The following CAPN1 variants were observed in gnomAD, a reference collection of about 807,000 sequenced individuals.
CAPN1 encodes calpain-1 catalytic subunit.
A neutral mutation model predicts 105.2 loss-of-function variants in CAPN1; 77 were observed. The ratio of observed to expected loss-of-function variants is 0.73; its 90% confidence interval spans 0.61 to 0.88. CAPN1 has a LOEUF of 0.88. Among genes scored for constraint, CAPN1 ranks in the 40% least tolerant of loss-of-function variants. The pLI is 0.00. For synonymous variants in CAPN1, 355 were observed against 388.8 expected (o/e 0.91, Z 1.02); for missense variants, 833 against 976.6 (o/e 0.85, Z 1.96).
chr11:65,194,010 C>G (rs1948757703), intron 10 of CAPN1, among the ~76,000 whole-genome samples: 1 of 134,152 alleles, frequency 7.5e-6, no homozygotes, highest in Non-Finnish European at 1.5e-5. Context: ...TCTGTCACCT[C>G]GGCTGGAGTG....
chr11:65,185,106 A>G, intron 4 of CAPN1, among the ~76,000 whole-genome samples: 1 of 152,008 alleles, frequency 6.6e-6, no homozygotes. Context: ...TGAAAAATCA[A>G]CTCACAAAAG....
At chr11:65,193,635 A>G (rs1461514149) in intron 10 of CAPN1, among the ~76,000 whole-genome samples, 5 of 104,746 alleles carry the variant, frequency 4.8e-5, no homozygotes, top group Non-Finnish European at 9.5e-5. Flanking sequence ...ATAGAGCGAG[A>G]CTCTGTCTCA....
At chr11:65,197,888 G>GAAAAAAAAAAAAAAAAAAAAAAAAA (rs71049687) in intron 10 of CAPN1, among the ~76,000 whole-genome samples, 1 of 83,492 alleles carries the variant, frequency 1.2e-5, no homozygotes, top group South Asian at 5.0e-4. Flanking sequence ...AACTCTATCT[G>GAAAAAAAAAAAAAAAAAAAAAAAAA]AAAAAAAAAA....
rs567269553 is a variant in CAPN1, at chr11:65,207,926, A to T, written c.1606-129A>T. ...GAAACTCCATCTCAAAAAGAAAAGA[A>T]AAGAAAAGTGAGGCTCAGAGAAGCG... On this transcript the variant is annotated intron_variant, in intron 14 of 21. Coordinates refer to ENST00000279247, the MANE Select transcript of CAPN1 (RefSeq NM_005186.4). 466 of 650,442 alleles carry T rather than the reference A, an allele frequency of 7.2e-4. 1 individual carries two copies. In the African/African-American group the frequency reaches 7.3e-3, roughly 10 times the overall value. The allele number at this position is 650,442 out of a possible 1,614,324, so 40.3% of individuals were successfully genotyped here.
chr11:65,208,224 A>G lies in CAPN1; in HGVS notation c.1691A>G (p.Lys564Arg). The change falls in exon 16 of 22, where the codon AAG becomes AGG. Residue 564 changes from lysine (K) to arginine (R), a missense_variant. Coordinates refer to ENST00000279247, the MANE Select transcript of CAPN1 (RefSeq NM_005186.4). The surrounding 1 kb of genome is among the most constrained non-coding windows in gnomAD (Gnocchi z 4.1). The stretch of plus-strand genomic sequence containing the variant: ...CCCCAGGACATGGAGATCAGCGTGA[A>G]GGAGTTGCGGACAATCCTCAATAGG... ...LAGEDMEISVKELRTILNRII... is the reference protein window; with the variant it reads ...LAGEDMEISVRELRTILNRII... 6.3e-7 allele frequency: 1 copy of G among 1,577,522 alleles called. No individual in the cohort carries two copies. Among genetic ancestry groups the G allele is most frequent in the Non-Finnish European group, 8.6e-7 (1 of 1,161,504 alleles).
In CAPN1 at chr11:65,186,199, G is replaced by A; in HGVS notation, c.620G>A (p.Gly207Glu). 4 of 1,613,578 alleles carry A rather than the reference G, an allele frequency of 2.5e-6. No homozygotes were observed. Among genetic ancestry groups the A allele is most frequent in the Non-Finnish European group, 3.4e-6 (4 of 1,179,704 alleles). The change falls in exon 6 of 22, where the codon GGG becomes GAG. Residue 207 changes from glycine to glutamate, a missense_variant. Gly to Glu is a moderately conservative substitution (Grantham distance 98, BLOSUM62 -2). Transcript: ENST00000279247. Reference sequence around the variant, plus strand: ...AATGGCAGCTACGAGGCCCTGTCAGGGGGCAGCACCTCAGAGGGCTTTGAG... The same window carrying A: ...AATGGCAGCTACGAGGCCCTGTCAGAGGGCAGCACCTCAGAGGGCTTTGAG... ...KVNGSYEALS[G>E]GSTSEGFEDF... is the part of the protein sequence containing the mutation.
chr11:65,192,316 T>C (rs1948729613), intron 10 of CAPN1, among the ~76,000 whole-genome samples: 1 of 152,244 alleles, frequency 6.6e-6, no homozygotes, highest in African/African-American at 2.4e-5. Context: ...AACAACATGG[T>C]CACGAGTGAC....
chr11:65,205,875 G>T, intron 12 of CAPN1, 154 bp downstream of exon 12: 2 of 715,876 alleles, frequency 2.8e-6, no homozygotes, highest in South Asian at 3.2e-5. Flanking sequence ...TCAGTGGGCA[G>T]AGCAAACATT....
intron 10 of CAPN1, among the ~76,000 whole-genome samples, chr11:65,204,029 T>C (rs774501035): frequency 6.6e-6 from 1 of 152,194 alleles, no homozygotes; most frequent in Non-Finnish European, 1.5e-5. Flanking sequence ...CTGCCAGAAA[T>C]GCAAGCCCCT....
chr11:65,209,257 G>A lies in CAPN1; in HGVS notation c.1730-66G>A. ...CGTCCTTGACTCTGCCCCACCCAGT[G>A]CTCCCAGCAGGGGCAGGTGCAGGAA... On this transcript the variant is annotated intron_variant, in intron 16 of 21. Coordinates refer to ENST00000279247, the MANE Select transcript of CAPN1 (RefSeq NM_005186.4). This position sits in a 1 kb window ranked among gnomAD's most constrained non-coding sequence, Gnocchi z 4.1. 7.5e-7 allele frequency: 1 copy of A among 1,326,654 alleles called. No individual in the cohort carries two copies. Among genetic ancestry groups the A allele is most frequent in the Non-Finnish European group, 1.1e-6 (1 of 931,340 alleles). 82.2% of individuals were successfully genotyped at this position (1,326,654 alleles called of 1,614,324 possible).
intron 10 of CAPN1, among the ~76,000 whole-genome samples, chr11:65,200,345 C>A (rs188205161): frequency 9.2e-5 from 14 of 152,018 alleles, no homozygotes; most frequent in Admixed American, 2.0e-4. Context: ...CCATACCCAG[C>A]TTTGTTCTTT....
intron 11 of CAPN1, 138 bp downstream of exon 11, chr11:65,204,996 A>C: frequency 5.8e-6 from 4 of 692,112 alleles, no homozygotes; most frequent in Non-Finnish European, 9.5e-6. Context: ...CACTCCCCCC[A>C]CCATCCTGAG....
intron 4 of CAPN1, 126 bp from the exon 5 acceptor site, chr11:65,185,791 T>C (rs987435013): frequency 1.0e-6 from 1 of 957,444 alleles, no homozygotes; most frequent in Non-Finnish European, 1.5e-6. Context: ...ATTTACATGA[T>C]TTAGTCTATG....
At chr11:65,200,361 T>C (rs1417290009) in intron 10 of CAPN1, among the ~76,000 whole-genome samples, 1 of 151,988 alleles carries the variant, frequency 6.6e-6, no homozygotes, top group African/African-American at 2.4e-5. Context: ...TCTTTTTTTT[T>C]GGAGATGGAC....
intron 12 of CAPN1, chr11:65,206,211 G>A: frequency 1.7e-6 from 1 of 583,090 alleles, no homozygotes. Flanking sequence ...CAGTGTTATT[G>A]AAACACATGC....
chr11:65,186,151 G>T lies in CAPN1; in HGVS notation c.591-19G>T. 1 of 1,611,094 alleles carries T rather than the reference G, an allele frequency of 6.2e-7. No individual in the cohort carries two copies. The highest frequency in any genetic ancestry group is 1.1e-5 in the South Asian group (1 of 90,672). ...GGGTCCTGCTTGATGCCAGAGTGCT[G>T]ACCTGGAGCTGCCCACAGGGTAAAT... On this transcript the variant is annotated intron_variant, in intron 5 of 21. Coordinates refer to ENST00000279247, the MANE Select transcript of CAPN1 (RefSeq NM_005186.4).
At chr11:65,205,359 G>A (rs1246027212) in intron 11 of CAPN1, among the ~76,000 whole-genome samples, 2 of 152,204 alleles carry the variant, frequency 1.3e-5, no homozygotes, top group Non-Finnish European at 2.9e-5. Flanking sequence ...GACCTCCCTG[G>A]TCGCAGTCTT....
Position 65,186,194 on chromosome 11 carries a change from G to T in CAPN1, c.615G>T (p.Leu205=), listed in dbSNP as rs201585740. The part of the protein sequence containing the change: ...YAKVNGSYEA[L]SGGSTSEGFE... ...GGGTAAATGGCAGCTACGAGGCCCTGTCAGGGGGCAGCACCTCAGAGGGCT... is the reference window on the plus strand; with the variant it reads ...GGGTAAATGGCAGCTACGAGGCCCTTTCAGGGGGCAGCACCTCAGAGGGCT... The change falls in exon 6 of 22, where the codon CTG becomes CTT. Residue 205 remains leucine (L), a synonymous_variant. Coordinates refer to ENST00000279247, the MANE Select transcript of CAPN1 (RefSeq NM_005186.4). The T allele has an allele frequency of 1.2e-6, 2 of 1,613,644 alleles. No homozygotes were observed. The highest frequency in any genetic ancestry group is 4.5e-5 in the East Asian group (2 of 44,866).
chr11:65,197,121 T>C (rs1361899113), intron 10 of CAPN1, among the ~76,000 whole-genome samples: 1 of 152,200 alleles, frequency 6.6e-6, no homozygotes. Flanking sequence ...TGAAGTCTGT[T>C]CTCTCAGCCA....
Sources: gnomAD v4.1 joint callset for allele counts (sites outside exome capture counted in the v4.1 genomes callset) on GRCh38, gnomAD v4.1.1 for gene constraint, Gnocchi (gnomAD v3.1) non-coding constraint, MANE v1.5 for transcripts, NCBI Gene and HGNC (gene_info 2026-07-23, HGNC 2026-07-21) for gene names.